The following TBC1D8 variants were observed in gnomAD, a reference collection of about 807,000 sequenced individuals.
TBC1D8 encodes the protein TBC1 domain family member 8, also known as BUB2-like protein 1.
Under a neutral mutation model 118.8 loss-of-function variants are expected in TBC1D8, and 65 were observed. That is an observed-to-expected ratio of 0.55 (90% confidence interval 0.45 to 0.67). The LOEUF is 0.67. Ranked by LOEUF, TBC1D8 falls within the 30% of genes least tolerant of loss-of-function variation. The probability of loss-of-function intolerance (pLI) is 0.00; values close to 1 mark genes in which losing one functional copy is unlikely to be tolerated. For synonymous variants in TBC1D8, 566 were observed against 595.8 expected, an observed-to-expected ratio of 0.95 and a Z score of 0.73; for missense variants, 1,376 against 1,471.2, an observed-to-expected ratio of 0.94 and a Z score of 1.06.
In TBC1D8 at chr2:101,151,140, G is replaced by C; in HGVS notation, c.114C>G (p.Gly38=). The C allele has an allele frequency of 8.5e-7, 1 of 1,169,906 alleles. No homozygotes were observed. The highest frequency in any genetic ancestry group is 1.1e-6 in the Non-Finnish European group (1 of 926,204). The allele number at this position is 1,169,906 out of a possible 1,614,324, so 72.5% of individuals were successfully genotyped here. Residue 38 remains glycine, a synonymous_variant, in exon 1 of 20, where the codon GGC becomes GGG. Transcript: ENST00000409318. ...LQRRRGHGEG[G]GRLTGRLVGA... ...CGAGCCCCTTACCGGTGAGGCGGCCGCCCCCCTCGCCGTGCCCGCGGCGCC... is the reference window on the plus strand; with the variant it reads ...CGAGCCCCTTACCGGTGAGGCGGCCCCCCCCCTCGCCGTGCCCGCGGCGCC...
chr2:101,127,250 G>A (rs1201735096), intron 1 of TBC1D8, among the ~76,000 whole-genome samples: 1 of 151,784 alleles, frequency 6.6e-6, no homozygotes, highest in African/African-American at 2.4e-5. Flanking sequence ...GCAGGAGAAT[G>A]GCTTGAACCT....
At chr2:101,123,504 G>C (rs545521956) in intron 1 of TBC1D8, among the ~76,000 whole-genome samples, 1 of 152,004 alleles carries the variant, frequency 6.6e-6, no homozygotes, top group African/African-American at 2.4e-5. Flanking sequence ...TCTCAAGCAC[G>C]CTCCAAACCA....
intron 1 of TBC1D8, among the ~76,000 whole-genome samples, chr2:101,146,320 T>C (rs1323272573): frequency 2.0e-5 from 3 of 151,534 alleles, no homozygotes; most frequent in Non-Finnish European, 4.4e-5. Context: ...ATACCATACT[T>C]CCTCCCTTCA....
intron 15 of TBC1D8, among the ~76,000 whole-genome samples, chr2:101,024,224 C>T (rs537903257): frequency 6.6e-6 from 1 of 152,068 alleles, no homozygotes; most frequent in Non-Finnish European, 1.5e-5. Context: ...GAGTAGAGAA[C>T]TAGCCAATAA....
chr2:101,134,563 T>C (rs1469215804), intron 1 of TBC1D8, among the ~76,000 whole-genome samples: 1 of 152,162 alleles, frequency 6.6e-6, no homozygotes, highest in Non-Finnish European at 1.5e-5. Flanking sequence ...GGTTCTCTTC[T>C]TGGCTTGCAG....
intron 1 of TBC1D8, among the ~76,000 whole-genome samples, chr2:101,094,320 A>T (rs1277741270): frequency 6.6e-6 from 1 of 152,152 alleles, no homozygotes; most frequent in Non-Finnish European, 1.5e-5. Context: ...GAGCTCAGTG[A>T]TTAGGAACAT....
chr2:101,013,101 AATCC>A (rs1679355402), intron 17 of TBC1D8, among the ~76,000 whole-genome samples: 2 of 152,208 alleles, frequency 1.3e-5, no homozygotes, highest in South Asian at 4.1e-4. Context: ...GGCAGCAATT[AATCC>A]AGGGGGTGGG....
chr2:101,151,061 C>G (rs2104295596), intron 1 of TBC1D8, 66 bp downstream of exon 1: 1 of 969,384 alleles, frequency 1.0e-6, no homozygotes, highest in Non-Finnish European at 1.2e-6. Flanking sequence ...GGACTGGGGG[C>G]CGCGGGCCCG....
chr2:101,019,067 C>G, intron 17 of TBC1D8: 1 of 1,602,508 alleles, frequency 6.2e-7, no homozygotes, highest in Non-Finnish European at 8.5e-7. Context: ...TGGATGAGGC[C>G]TTGGGTCTCG....
At chr2:101,112,259 CTG>C (rs1473559044) in intron 1 of TBC1D8, among the ~76,000 whole-genome samples, 2 of 152,310 alleles carry the variant, frequency 1.3e-5, no homozygotes, top group African/African-American at 4.8e-5. Flanking sequence ...CCAGTCACTG[CTG>C]TGTCTTTCTC....
intron 1 of TBC1D8, among the ~76,000 whole-genome samples, chr2:101,140,989 C>T (rs1261580073): frequency 2.6e-5 from 4 of 151,822 alleles, no homozygotes; most frequent in Non-Finnish European, 5.9e-5. Flanking sequence ...CTCAAACCTC[C>T]GACCTCAGGT....
At chr2:101,078,753 CA>C in intron 2 of TBC1D8, among the ~76,000 whole-genome samples, 8,268 of 104,190 alleles carry the variant, frequency 0.079, 128 homozygotes, top group East Asian at 0.13. Flanking sequence ...CCTTTCTTAG[CA>C]AAAAAAAAAA....
intron 1 of TBC1D8, among the ~76,000 whole-genome samples, chr2:101,102,860 T>C (rs919042061): frequency 2.7e-5 from 4 of 150,772 alleles, no homozygotes; most frequent in African/African-American, 4.9e-5. Flanking sequence ...CTGGGCAACA[T>C]AGCAAAAAAA....
rs547761997 is a variant in TBC1D8, at chr2:101,108,222, A to G, written c.128-17858T>C. Among the ~76,000 whole-genome samples the G allele has an allele frequency of 5.3e-5, 8 of 152,252 alleles. No homozygotes were observed. The East Asian group carries it at 1.4e-3, about 26-fold the overall frequency. On this transcript the variant is annotated intron_variant, in intron 1 of 19. Transcript: ENST00000409318. The stretch of plus-strand genomic sequence containing the variant: ...TAAGAAAAGCATCGGATAAATCCCA[A>G]CTGAGCGACATTCTATAAAATACAG...
intron 4 of TBC1D8, among the ~76,000 whole-genome samples, chr2:101,053,892 T>C (rs1191059804): frequency 6.6e-6 from 1 of 152,230 alleles, no homozygotes; most frequent in Non-Finnish European, 1.5e-5. Flanking sequence ...TAAAGTGAAC[T>C]ATACAGGATG....
At chr2:101,027,255 G>A in intron 15 of TBC1D8, 128 bp downstream of exon 15, 2 of 766,886 alleles carry the variant, frequency 2.6e-6, no homozygotes, top group South Asian at 3.2e-5. Context: ...CAGCTTCAAG[G>A]GGGGCAGCTC....
intron 2 of TBC1D8, among the ~76,000 whole-genome samples, chr2:101,061,539 G>A (rs1251603685): frequency 6.6e-6 from 1 of 152,244 alleles, no homozygotes; most frequent in Non-Finnish European, 1.5e-5. Flanking sequence ...ACTAAAGCCA[G>A]TGTTCTCATC....
At chr2:101,033,515 C>T in intron 10 of TBC1D8, 29 bp downstream of exon 10, 1 of 1,613,366 alleles carries the variant, frequency 6.2e-7, no homozygotes, top group Non-Finnish European at 8.5e-7. Context: ...ACTAAAGACT[C>T]TCTGCGCCCC....
At chr2:101,019,927 C>G (rs1679922955) in intron 17 of TBC1D8, among the ~76,000 whole-genome samples, 1 of 151,874 alleles carries the variant, frequency 6.6e-6, no homozygotes, top group South Asian at 2.1e-4. Context: ...AAAAAATTAG[C>G]TGGGCATGGT....
Sources: allele counts gnomAD v4.1 joint callset (sites outside exome capture counted in the v4.1 genomes callset), GRCh38; gene constraint gnomAD v4.1.1; transcripts MANE v1.5; gene names NCBI Gene and HGNC (gene_info 2026-07-23, HGNC 2026-07-21).